Variants in NOL10 observed in about 807,000 individuals in gnomAD.
The protein encoded by NOL10 is H_NH0074G24.1.
A neutral mutation model predicts 103.5 loss-of-function variants in NOL10; 58 were observed. That is an observed-to-expected ratio of 0.56 (90% CI 0.45 to 0.70). NOL10 has a LOEUF of 0.70. Among genes scored for constraint, NOL10 ranks in the 30% least tolerant of loss-of-function variants. The pLI is 0.00. For missense variants in NOL10, 763 were observed against 807.3 expected, an observed-to-expected ratio of 0.95 and a Z score of 0.67; for synonymous variants, 287 against 282.5, an observed-to-expected ratio of 1.02 and a Z score of -0.16.
chr2:10,676,927 C>G (rs1317297340), intron 3 of NOL10, among the ~76,000 whole-genome samples: 1 of 146,598 alleles, frequency 6.8e-6, no homozygotes, highest in Non-Finnish European at 1.5e-5. Flanking sequence ...CATGAGCCAT[C>G]GAGGCCGGCC....
intron 13 of NOL10, among the ~76,000 whole-genome samples, chr2:10,611,328 C>CG (rs1185021090): frequency 6.6e-6 from 1 of 152,192 alleles, no homozygotes; most frequent in Non-Finnish European, 1.5e-5. Context: ...TCTACTTGAG[C>CG]GGAAGAACCA....
rs574779631 is a variant in NOL10 at position 10,657,047 on chromosome 2, G to A, written c.906+695C>T. Among the ~76,000 whole-genome samples the A allele has an allele frequency of 3.9e-3, 594 of 152,294 alleles. 8 individuals are homozygous for A. The highest frequency in any genetic ancestry group is 5.9e-3 in the Non-Finnish European group (399 of 68,036). ...AAATATAGCTTTTAAGGCCAGGTGA[G>A]GTGGCTCACGCCTGTAATCCCAGCA... On this transcript the variant is annotated intron_variant, in intron 11 of 20. Coordinates refer to ENST00000381685, the MANE Select transcript of NOL10 (RefSeq NM_024894.4).
At chr2:10,598,256 A>C (rs1483780000) in intron 17 of NOL10, among the ~76,000 whole-genome samples, 1 of 152,196 alleles carries the variant, frequency 6.6e-6, no homozygotes, top group East Asian at 1.9e-4. Flanking sequence ...AGGCGGTGTG[A>C]TGCACCGTGA....
At chr2:10,685,499 CCCCCCCCCGCCAA>C (rs1682112711) in intron 1 of NOL10, among the ~76,000 whole-genome samples, 1 of 47,874 alleles carries the variant, frequency 2.1e-5, no homozygotes, top group Non-Finnish European at 4.1e-5. Flanking sequence ...CCCCCCCCCC[CCCCCCCCCGCCAA>C]AAAAAAAGAA....
Position 10,589,867 on chromosome 2 carries a change from C to T in NOL10, c.1423-116G>A, listed in dbSNP as rs528170535. 2.0e-5 allele frequency: 12 copies of T among 590,676 alleles called. No homozygotes were observed. In the South Asian group the frequency reaches 4.6e-4, roughly 23 times the overall value. The allele number at this position is 590,676 out of a possible 1,614,324, so 36.6% of individuals were successfully genotyped here. A position where few individuals can be genotyped will look rare whatever the true frequency, so the allele number is the denominator to read the frequency against. ...AAGTTAATAAGCGGCATGAGGCATA[C>T]ATTATTAACTCATTATGAAATTTCT... On this transcript the variant is annotated intron_variant, in intron 17 of 20. Coordinates refer to ENST00000381685, the MANE Select transcript of NOL10 (RefSeq NM_024894.4).
At chr2:10,672,397 T>A (rs1291301052) in intron 5 of NOL10, among the ~76,000 whole-genome samples, 1 of 152,172 alleles carries the variant, frequency 6.6e-6, no homozygotes, top group African/African-American at 2.4e-5. Flanking sequence ...ACTCCTTGTA[T>A]ACATTTGACT....
intron 8 of NOL10, among the ~76,000 whole-genome samples, chr2:10,666,476 G>A (rs1282181206): frequency 1.3e-5 from 2 of 151,988 alleles, no homozygotes; most frequent in Non-Finnish European, 1.5e-5. Flanking sequence ...TTACAGGTGT[G>A]TGCCACCACA....
chr2:10,587,512 GCC>G (rs35920322), intron 19 of NOL10, among the ~76,000 whole-genome samples: 2 of 149,118 alleles, frequency 1.3e-5, no homozygotes, highest in Non-Finnish European at 3.0e-5. Context: ...CTCATGATCT[GCC>G]CCCCCCTTGG....
intron 2 of NOL10, among the ~76,000 whole-genome samples, chr2:10,682,900 T>A (rs1042541332): frequency 1.3e-5 from 2 of 152,140 alleles, no homozygotes; most frequent in African/African-American, 4.8e-5. Flanking sequence ...TTCTCCTGCC[T>A]CAGCTTCCCA....
chr2:10,589,701 G>T lies in NOL10; in HGVS notation c.1473C>A (p.Asn491Lys). The change falls in exon 18 of 21, where the codon AAC (asparagine) becomes AAA (lysine). Residue 491 changes from asparagine to lysine, a missense_variant. Transcript: ENST00000381685. The part of the protein sequence containing the change: ...TDDRFKVMFE[N>K]PDFQVDEESE... ...TCTCTTCATCTACTTGGAAGTCAGG[G>T]TTCTCAAACATAACTTTAAATCGAT... 18 of 1,579,968 alleles carry T rather than the reference G, an allele frequency of 1.1e-5. No homozygotes were observed. The highest frequency in any genetic ancestry group is 1.5e-5 in the Non-Finnish European group (18 of 1,164,960).
intron 12 of NOL10, 30 bp from the exon 13 acceptor site, chr2:10,644,402 T>C (rs3821196): frequency 0.13 from 200,803 of 1,487,464 alleles, 18,440 homozygotes; most frequent in East Asian, 0.39. Context: ...AAAAGGTCAA[T>C]GCATAGGAAA....
At chr2:10,648,607 G>A (rs115010658) in intron 12 of NOL10, among the ~76,000 whole-genome samples, 1,559 of 152,168 alleles carry the variant, frequency 0.01, 17 homozygotes, top group Non-Finnish European at 0.015. Context: ...TTAACAATGG[G>A]ATCAACCTTA....
chr2:10,600,940 T>C lies in NOL10; in HGVS notation c.1335A>G (p.Lys445=), dbSNP rs1377382923. ...ETRAQRVQLK[K]LPKVNKELAL... is the part of the protein sequence containing the mutation. The stretch of plus-strand genomic sequence containing the variant: ...CCAGCTCTTTGTTAACTTTTGGCAA[T>C]TTCTAGAGAGAAAATAAAAGCTGGT... The change falls in exon 17 of 21, where the codon AAA becomes AAG. Residue 445 remains lysine, a splice_region_variant and synonymous_variant. Transcript: ENST00000381685. The C allele has an allele frequency of 1.3e-6, 2 of 1,531,690 alleles. No individual in the cohort carries two copies. The highest frequency in any genetic ancestry group is 1.8e-6 in the Non-Finnish European group (2 of 1,131,288). The allele number at this position is 1,531,690 out of a possible 1,614,324, so 94.9% of individuals were successfully genotyped here. A position where few individuals can be genotyped will look rare whatever the true frequency, so the allele number is the denominator to read the frequency against.
In NOL10 at chr2:10,648,787, T is replaced by C. The variant is rs1055927725; in HGVS notation, c.974-4415A>G. 2.6e-5 allele frequency among the ~76,000 whole-genome samples: 4 copies of C among 151,644 alleles called. No homozygotes were observed. The East Asian group carries it at 5.8e-4, about 22-fold the overall frequency. ...TCACGAGAAAAAAAAATCACATAAA[T>C]CGAGGATGAAGGATATTCTGAGACC... On this transcript the variant is annotated intron_variant, in intron 12 of 20. Transcript: ENST00000381685.
At chr2:10,639,294 C>A (rs559435910) in intron 13 of NOL10, among the ~76,000 whole-genome samples, 1 of 152,124 alleles carries the variant, frequency 6.6e-6, no homozygotes, top group African/African-American at 2.4e-5. Flanking sequence ...TGGCAGCGTG[C>A]GCCTATAGTC....
intron 11 of NOL10, among the ~76,000 whole-genome samples, chr2:10,656,630 T>G (rs879681731): frequency 2.0e-5 from 3 of 152,226 alleles, no homozygotes; most frequent in Non-Finnish European, 4.4e-5. Context: ...AACAGGCAGC[T>G]GAACTGTGAG....
At chr2:10,663,353 C>G (rs1451389041) in intron 8 of NOL10, among the ~76,000 whole-genome samples, 1 of 122,884 alleles carries the variant, frequency 8.1e-6, no homozygotes, top group Non-Finnish European at 1.6e-5. Flanking sequence ...AGCGACAGAG[C>G]AAGACTTCGT....
intron 13 of NOL10, among the ~76,000 whole-genome samples, chr2:10,630,639 T>C (rs1010381860): frequency 2.6e-5 from 4 of 152,004 alleles, no homozygotes; most frequent in African/African-American, 4.8e-5. Context: ...GGTGTGAACC[T>C]GGGAGGTGAA....
intron 19 of NOL10, among the ~76,000 whole-genome samples, chr2:10,586,829 C>T (rs11684569): frequency 0.25 from 37,539 of 150,970 alleles, 6,541 homozygotes; most frequent in African/African-American, 0.46. Context: ...GTACAGTATA[C>T]AATACATAGA....
Sources: gnomAD v4.1 joint callset for allele counts (sites outside exome capture counted in the v4.1 genomes callset) on GRCh38, gnomAD v4.1.1 for gene constraint, MANE v1.5 for transcripts, NCBI Gene and HGNC (gene_info 2026-07-23, HGNC 2026-07-21) for gene names.